MAGED1: variants seen among roughly 807,000 people sequenced by gnomAD.
MAGED1 encodes the protein melanoma-associated antigen D1.
In MAGED1, 3 loss-of-function variants were observed where a neutral mutation model predicts 54.1. The observed-to-expected ratio is 0.06, with a 90% CI of 0.03 to 0.14. MAGED1 has a LOEUF of 0.14. MAGED1 is among the 10% of genes least tolerant of loss of function. The pLI is 1.00. For synonymous variants in MAGED1, 217 were observed against 227.3 expected (o/e 0.95, Z 0.41); for missense variants, 485 against 623.4 (o/e 0.78, Z 2.36).
chrX:51,830,946 CT>C (rs1557357395), intron 1 of MAGED1, among the ~76,000 whole-genome samples: 1 of 112,129 alleles, frequency 8.9e-6, no homozygotes, highest in Non-Finnish European at 1.9e-5. Context: ...ACTACAACCT[CT>C]GCTTCCCTGG....
At chrX:51,824,643 A>G (rs1429634104) in intron 1 of MAGED1, among the ~76,000 whole-genome samples, 2 of 105,231 alleles carry the variant, frequency 1.9e-5, no homozygotes, top group African/African-American at 7.0e-5. Context: ...GATTCCCATT[A>G]TATGTATTTT....
At chrX:51,888,662 C>A (rs1394744510), upstream of MAGED1, among the ~76,000 whole-genome samples, 1 of 112,361 alleles carries the variant, frequency 8.9e-6, no homozygotes, top group Non-Finnish European at 1.9e-5. Flanking sequence ...GATACTTGTA[C>A]ACAAATGTGT....
chrX:51,874,334 C>A (rs1557361853), intron 1 of MAGED1, among the ~76,000 whole-genome samples: 1 of 111,095 alleles, frequency 9.0e-6, no homozygotes, highest in African/African-American at 3.3e-5. Context: ...TTTACCTAAT[C>A]AGGGAAGTAA....
upstream of MAGED1, chrX:51,893,514 C>CT (rs1928536242): frequency 8.8e-6 from 1 of 113,848 alleles, no homozygotes; most frequent in Non-Finnish European, 1.9e-5. Flanking sequence ...CAGGACGAAG[C>CT]TTTTGTTGGG....
At chrX:51,861,850 T>G (rs1557360703) in intron 1 of MAGED1, among the ~76,000 whole-genome samples, 1 of 111,026 alleles carries the variant, frequency 9.0e-6, no homozygotes, top group East Asian at 2.8e-4. Flanking sequence ...TGGCTAATTT[T>G]TTTGTATTTT....
intron 1 of MAGED1, among the ~76,000 whole-genome samples, chrX:51,805,789 A>G (rs1349796674): frequency 3.7e-5 from 4 of 108,520 alleles, no homozygotes; most frequent in Non-Finnish European, 7.6e-5. Flanking sequence ...GCATCCATCC[A>G]TCCATCCATC....
At position 51,895,127 on chromosome X, in the gene MAGED1, A is replaced by G; in HGVS notation, c.120A>G (p.Pro40=). ...LMEAIQISEA[P]PTNQATAAAS... ...AGGCCATCCAGATCTCAGAGGCTCC[A>G]CCTACTAACCAGGCCACCGCAGCTG... Residue 40 remains proline (P), a synonymous_variant, in exon 3 of 13, where the codon CCA becomes CCG. Coordinates refer to ENST00000326587, the MANE Select transcript of MAGED1 (RefSeq NM_006986.4). 8.3e-7 allele frequency: 1 copy of G among 1,211,635 alleles called. No individual in the cohort carries two copies. The highest frequency in any genetic ancestry group is 1.1e-6 in the Non-Finnish European group (1 of 895,421).
intron 1 of MAGED1, among the ~76,000 whole-genome samples, chrX:51,862,418 C>A (rs1019345450): frequency 1.8e-5 from 2 of 111,149 alleles, no homozygotes; most frequent in African/African-American, 3.3e-5. Context: ...CCGACCAGGA[C>A]AAGAAATAGA....
chrX:51,840,575 C>T (rs1557358382), intron 1 of MAGED1, among the ~76,000 whole-genome samples: 1 of 108,922 alleles, frequency 9.2e-6, no homozygotes, highest in African/African-American at 3.4e-5. Flanking sequence ...CTAATGCTAT[C>T]CCTCCCCCCT....
chrX:51,891,427 A>C (rs782558368), upstream of MAGED1, among the ~76,000 whole-genome samples: 1 of 113,153 alleles, frequency 8.8e-6, no homozygotes, highest in South Asian at 3.6e-4. Flanking sequence ...CAGTGTTTGA[A>C]TGTATAGTGA....
At chrX:51,804,511 C>T (rs1380267536) in intron 1 of MAGED1, among the ~76,000 whole-genome samples, 7 of 111,740 alleles carry the variant, frequency 6.3e-5, no homozygotes, top group African/African-American at 2.0e-4. Flanking sequence ...GTGCATCCAT[C>T]CATTCATTCA....
intron 1 of MAGED1, among the ~76,000 whole-genome samples, chrX:51,845,771 ATGTTT>A (rs782151777): frequency 3.6e-5 from 4 of 110,540 alleles, no homozygotes; most frequent in East Asian, 2.9e-4. Flanking sequence ...TCTGATGTGA[ATGTTT>A]TGTTTTGTTT....
rs1218543591 is a variant in MAGED1, at chrX:51,895,557, T to C, written c.550T>C (p.Trp184Arg). The C allele has an allele frequency of 8.3e-7, 1 of 1,211,618 alleles. No homozygotes were observed. Among genetic ancestry groups the C allele is most frequent in the East Asian group, 3.0e-5 (1 of 33,845 alleles). The change falls in exon 3 of 13, where the codon TGG becomes CGG. Residue 184 changes from tryptophan (W) to arginine (R), a missense_variant. This residue lies in a region of MAGED1 where 299 missense variants were observed against 293.1 expected (regional missense o/e 1.02). Coordinates refer to ENST00000326587, the MANE Select transcript of MAGED1 (RefSeq NM_006986.4). The stretch of plus-strand genomic sequence containing the variant: ...CAGGCCTAAGACCCCTTTCAAGGCT[T>C]GGAATGATACCACTAAGGCCCCAAC... The part of the protein sequence containing the change: ...NSRPKTPFKA[W>R]NDTTKAPTAD...
chrX:51,880,793 A>T (rs1928023870), intron 1 of MAGED1, among the ~76,000 whole-genome samples: 1 of 111,439 alleles, frequency 9.0e-6, no homozygotes. Flanking sequence ...AATCACTGTC[A>T]TTGGTGAGGT....
At chrX:51,893,325 A>T (rs1928522057), upstream of MAGED1, among the ~76,000 whole-genome samples, 1 of 78,317 alleles carries the variant, frequency 1.3e-5, no homozygotes, top group Non-Finnish European at 2.4e-5. Flanking sequence ...ATTGCGGAAA[A>T]GGTAGGGGGC....
chrX:51,830,854 T>C (rs1926036553), intron 1 of MAGED1, among the ~76,000 whole-genome samples: 1 of 111,847 alleles, frequency 8.9e-6, no homozygotes, highest in African/African-American at 3.3e-5. Context: ...CTCCTTTGTG[T>C]TTTATATATT....
At chrX:51,871,511 G>A (rs1444417704) in intron 1 of MAGED1, among the ~76,000 whole-genome samples, 3 of 110,162 alleles carry the variant, frequency 2.7e-5, no homozygotes, top group Admixed American at 9.7e-5. Context: ...CTATGAGTGA[G>A]AATATGCGGT....
At chrX:51,857,251 G>A (rs894519302) in intron 1 of MAGED1, 2 of 111,895 alleles carry the variant, frequency 1.8e-5, no homozygotes, top group Non-Finnish European at 3.8e-5. Context: ...ATTTCATAGG[G>A]TAGAAAAACT....
intron 1 of MAGED1, among the ~76,000 whole-genome samples, chrX:51,862,187 T>C (rs1416985202): frequency 9.0e-6 from 1 of 111,237 alleles, no homozygotes; most frequent in Non-Finnish European, 1.9e-5. Context: ...ACCTGGTAGG[T>C]AGACTCTTTC....
Sources: allele counts gnomAD v4.1 joint callset (sites outside exome capture counted in the v4.1 genomes callset), GRCh38; gene constraint gnomAD v4.1.1; regional missense constraint gnomAD v4.1.1; transcripts MANE v1.5; gene names NCBI Gene and HGNC (gene_info 2026-07-23, HGNC 2026-07-21).